PCDHGA8: variants seen among roughly 807,000 people sequenced by gnomAD.
PCDHGA8 encodes protocadherin gamma-A8.
In PCDHGA8, 45 loss-of-function variants were observed where a neutral mutation model predicts 59.2. The ratio of observed to expected loss-of-function variants is 0.76; its 90% CI spans 0.60 to 0.98. PCDHGA8 has a LOEUF of 0.98. Ranked by LOEUF, PCDHGA8 falls within the 50% of genes least tolerant of loss-of-function variation. PCDHGA8 has a pLI of 0.00. For missense variants in PCDHGA8, 1,257 were observed against 1,196.2 expected (o/e 1.05, Z -0.75); for synonymous variants, 531 against 519.0 (o/e 1.02, Z -0.32).
In PCDHGA8 at chr5:141,432,011, TACA is replaced by T. The variant is rs1296391274; in HGVS notation, c.2424+36778_2424+36780del. 2 of 1,614,202 alleles carry T rather than the reference TACA, an allele frequency of 1.2e-6. No homozygotes were observed. Among genetic ancestry groups the T allele is most frequent in the South Asian group, 2.2e-5 (2 of 91,084 alleles). On this transcript the variant is annotated intron_variant, in intron 1 of 3. Transcript: ENST00000398604. This position sits in a 1 kb window ranked among gnomAD's most constrained non-coding sequence, Gnocchi z 6.0. The stretch of plus-strand genomic sequence containing the variant: ...CTTGGATAGGGAACAGGTTCCTAGC[TACA>T]ACATCACAGTGACCGCCACTGACCG...
chr5:141,421,443 GAC>G (rs771422215), intron 1 of PCDHGA8: 47 of 1,613,988 alleles, frequency 2.9e-5, no homozygotes, highest in Non-Finnish European at 3.6e-5. Context: ...CCAGAGGGAA[GAC>G]ACAGCTTTTC....
chr5:141,489,990 A>G lies in PCDHGA8; in HGVS notation c.2425-4817A>G. ...TCCAATCCTCAGTTCTACGTGTGGG[A>G]ATCCCAGAGAATGCACCCATTGGTA... is the stretch of plus-strand genomic sequence containing the variant. On this transcript the variant is annotated intron_variant, in intron 1 of 3. Transcript: ENST00000398604. This position sits in a 1 kb window ranked among gnomAD's most constrained non-coding sequence, Gnocchi z 4.5. 6.2e-7 allele frequency: 1 copy of G among 1,614,256 alleles called. No individual in the cohort carries two copies. Among genetic ancestry groups the G allele is most frequent in the Non-Finnish European group, 8.5e-7 (1 of 1,180,030 alleles).
chr5:141,427,974 G>T, intron 1 of PCDHGA8: 1 of 1,594,576 alleles, frequency 6.3e-7, no homozygotes, highest in South Asian at 1.1e-5. Flanking sequence ...GCTGTACCCC[G>T]CGCTGGGGCC....
rs753372015 is a variant in PCDHGA8 at position 141,422,180 on chromosome 5, T to C, written c.2424+26943T>C. The stretch of plus-strand genomic sequence containing the variant: ...TTTGAAAAATATAGATTCTATGAGA[T>C]GGAAATTCAAGGCCAAGATGGTGGA... On this transcript the variant is annotated intron_variant, in intron 1 of 3. Coordinates refer to ENST00000398604, the MANE Select transcript of PCDHGA8 (RefSeq NM_032088.2). 1.1e-5 allele frequency: 17 copies of C among 1,562,190 alleles called. No homozygotes were observed. In the African/African-American group the frequency reaches 1.9e-4, roughly 18 times the overall value.
chr5:141,404,917 G>T (rs750464541), intron 1 of PCDHGA8: 6 of 1,613,652 alleles, frequency 3.7e-6, no homozygotes, highest in East Asian at 2.2e-5. Flanking sequence ...CCCCTCTCTC[G>T]GCCACTGTCA....
intron 1 of PCDHGA8, among the ~76,000 whole-genome samples, chr5:141,437,310 C>T (rs1226274834): frequency 6.6e-6 from 1 of 152,166 alleles, no homozygotes; most frequent in Non-Finnish European, 1.5e-5. Flanking sequence ...TTAAAGCGTT[C>T]AGCTATAATT....
At chr5:141,404,495 T>A in intron 1 of PCDHGA8, 1 of 1,613,920 alleles carries the variant, frequency 6.2e-7, no homozygotes, top group South Asian at 1.1e-5. Context: ...TGGTGTGCTG[T>A]ATGCTCTGTG....
Position 141,490,293 on chromosome 5 carries a change from A to G in PCDHGA8, c.2425-4514A>G, listed in dbSNP as rs1316965652. On this transcript the variant is annotated intron_variant, in intron 1 of 3. Transcript: ENST00000398604. The surrounding 1 kb of genome is among the most constrained non-coding windows in gnomAD (Gnocchi z 5.4). ...TCAATGACAATGCCCCAGAGGTGCTATTGGCCTCTTTGGCCAACCCTGTCC... is the reference window on the plus strand; with the variant it reads ...TCAATGACAATGCCCCAGAGGTGCTGTTGGCCTCTTTGGCCAACCCTGTCC... The G allele has an allele frequency of 1.2e-6, 2 of 1,614,190 alleles. No individual in the cohort carries two copies. The highest frequency in any genetic ancestry group is 8.5e-7 in the Non-Finnish European group (1 of 1,180,028).
intron 1 of PCDHGA8, among the ~76,000 whole-genome samples, chr5:141,437,064 G>T (rs1380953110): frequency 6.6e-6 from 1 of 152,170 alleles, no homozygotes; most frequent in Non-Finnish European, 1.5e-5. Flanking sequence ...ATCATTATTT[G>T]GTTTGGGCCA....
At chr5:141,445,938 G>A (rs2098482293) in intron 1 of PCDHGA8, among the ~76,000 whole-genome samples, 1 of 152,196 alleles carries the variant, frequency 6.6e-6, no homozygotes, top group Non-Finnish European at 1.5e-5. Flanking sequence ...GAATTATTAA[G>A]CTTACTCTGG....
intron 1 of PCDHGA8, among the ~76,000 whole-genome samples, chr5:141,401,168 C>T (rs2094123018): frequency 1.3e-5 from 2 of 152,142 alleles, no homozygotes; most frequent in Non-Finnish European, 2.9e-5. Flanking sequence ...ATGGTGAAAA[C>T]CCGTCTCTAC....
At chr5:141,446,450 T>C (rs922188307) in intron 1 of PCDHGA8, among the ~76,000 whole-genome samples, 2 of 152,018 alleles carry the variant, frequency 1.3e-5, no homozygotes, top group Non-Finnish European at 2.9e-5. Context: ...AGTGCAGATA[T>C]TCAGTGTGTG....
At chr5:141,488,139 T>C (rs906194527) in intron 1 of PCDHGA8, among the ~76,000 whole-genome samples, 2 of 152,084 alleles carry the variant, frequency 1.3e-5, no homozygotes, top group Non-Finnish European at 2.9e-5. Context: ...AGGAGAGAAC[T>C]AAAGGAATAG....
intron 1 of PCDHGA8, chr5:141,427,590 C>G (rs768990626): frequency 5.9e-6 from 4 of 678,892 alleles, no homozygotes; most frequent in Non-Finnish European, 1.1e-5. Flanking sequence ...CAGCACAAGC[C>G]TCACCCTACG....
intron 1 of PCDHGA8, among the ~76,000 whole-genome samples, chr5:141,424,944 A>G (rs958272371): frequency 2.6e-5 from 4 of 152,108 alleles, no homozygotes; most frequent in African/African-American, 9.7e-5. Context: ...CTCTCACATC[A>G]CTTCTAGGTA....
At chr5:141,403,403 C>T in intron 1 of PCDHGA8, 5 of 1,614,066 alleles carry the variant, frequency 3.1e-6, no homozygotes, top group Non-Finnish European at 4.2e-6. Context: ...TCCTGGAGCA[C>T]GTTATCCACT....
intron 1 of PCDHGA8, chr5:141,418,857 T>G (rs1378155402): frequency 6.2e-7 from 1 of 1,613,988 alleles, no homozygotes; most frequent in South Asian, 1.1e-5. Context: ...CGGTGTAAAG[T>G]AATTGTAGAA....
In PCDHGA8 at chr5:141,472,980, C is replaced by CAAAA. The variant is rs60579131; in HGVS notation, c.2425-21813_2425-21810dup. ...CAGCCTGGGGAACAAGAGTGAAACT[C>CAAAA]AAAAAAAAAAAAAAAAAGAAAGAAA... On this transcript the variant is annotated intron_variant, in intron 1 of 3. Transcript: ENST00000398604. 5.5e-3 allele frequency among the ~76,000 whole-genome samples: 472 copies of CAAAA among 85,978 alleles called. 4 individuals carry two copies. The highest frequency in any genetic ancestry group is 0.013 in the Admixed American group (104 of 8,158). The allele number at this position is 85,978 out of a possible 152,430, so 56.4% of individuals were successfully genotyped here. A position where few individuals can be genotyped will look rare whatever the true frequency, so the allele number is the denominator to read the frequency against.
chr5:141,509,900 C>T (rs2099878860), intron 3 of PCDHGA8, among the ~76,000 whole-genome samples: 1 of 152,186 alleles, frequency 6.6e-6, no homozygotes, highest in Admixed American at 6.5e-5. Context: ...CTGTCCCTTC[C>T]AGCATGCGCT....
Sources: allele counts gnomAD v4.1 joint callset (sites outside exome capture counted in the v4.1 genomes callset), GRCh38; gene constraint gnomAD v4.1.1; non-coding constraint Gnocchi (gnomAD v3.1); transcripts MANE v1.5; gene names NCBI Gene and HGNC (gene_info 2026-07-23, HGNC 2026-07-21).